The following FSTL5 variants were observed in gnomAD, a reference collection of about 807,000 sequenced individuals.
FSTL5 encodes the protein follistatin-related protein 5.
FSTL5 carries 62 observed loss-of-function variants against 89.1 expected under a neutral mutation model. The observed-to-expected ratio is 0.70, with a 90% CI of 0.57 to 0.86. The LOEUF (loss-of-function observed/expected upper bound fraction) is 0.86, where lower values mean the gene tolerates loss of function less well. Ranked by LOEUF, FSTL5 falls within the 40% of genes least tolerant of loss-of-function variation. The pLI, the probability that FSTL5 is intolerant of heterozygous loss-of-function variation, is 0.00. For missense variants in FSTL5, 1,057 were observed against 1,001.6 expected, an observed-to-expected ratio of 1.06 and a Z score of -0.75; for synonymous variants, 383 against 346.2, an observed-to-expected ratio of 1.11 and a Z score of -1.18.
At chr4:161,664,889 GA>G in intron 6 of FSTL5, 1 of 190,994 alleles carries the variant, frequency 5.2e-6, no homozygotes, top group Non-Finnish European at 1.0e-5. Flanking sequence ...CAGCGCAAGA[GA>G]AAATGAGGAA....
At chr4:162,149,733 G>GTA (rs1488513531) in intron 1 of FSTL5, among the ~76,000 whole-genome samples, 5 of 151,974 alleles carry the variant, frequency 3.3e-5, no homozygotes, top group Non-Finnish European at 7.4e-5. Context: ...ATGTATATAT[G>GTA]TATATATATA....
chr4:161,739,684 CAA>C (rs1739936439), intron 6 of FSTL5, among the ~76,000 whole-genome samples: 1 of 151,950 alleles, frequency 6.6e-6, no homozygotes, highest in Non-Finnish European at 1.5e-5. Flanking sequence ...AACCCAAAGG[CAA>C]AGGTAAACAC....
At chr4:161,728,834 A>G (rs1739508205) in intron 6 of FSTL5, among the ~76,000 whole-genome samples, 1 of 152,154 alleles carries the variant, frequency 6.6e-6, no homozygotes, top group Non-Finnish European at 1.5e-5. Flanking sequence ...AAATTTTCAA[A>G]TTAATAGGTA....
chr4:162,089,202 G>A (rs1008804369), intron 2 of FSTL5, among the ~76,000 whole-genome samples: 2 of 152,166 alleles, frequency 1.3e-5, no homozygotes, highest in South Asian at 2.1e-4. Flanking sequence ...TGTACTTCCC[G>A]TATCTAGAAA....
At chr4:161,470,722 T>C (rs1047809820) in intron 13 of FSTL5, among the ~76,000 whole-genome samples, 1 of 152,210 alleles carries the variant, frequency 6.6e-6, no homozygotes, top group East Asian at 1.9e-4. Context: ...TTTCAATTCA[T>C]GAACATAGGT....
At chr4:162,137,756 G>A (rs1382957699) in intron 1 of FSTL5, among the ~76,000 whole-genome samples, 2 of 152,092 alleles carry the variant, frequency 1.3e-5, no homozygotes, top group East Asian at 1.9e-4. Context: ...GACAAAAAAC[G>A]CTTTTGTTTT....
chr4:161,607,899 T>C (rs1427389458), intron 7 of FSTL5, among the ~76,000 whole-genome samples: 2 of 151,592 alleles, frequency 1.3e-5, no homozygotes, highest in Admixed American at 6.6e-5. Context: ...CATGTGCATG[T>C]TTTTTCCATC....
At chr4:161,594,205 A>G (rs1411775227) in intron 7 of FSTL5, among the ~76,000 whole-genome samples, 2 of 152,156 alleles carry the variant, frequency 1.3e-5, no homozygotes, top group African/African-American at 4.8e-5. Flanking sequence ...TATCATGGAG[A>G]CCAGATCACA....
chr4:162,031,050 G>A (rs1737501135), intron 3 of FSTL5, among the ~76,000 whole-genome samples: 1 of 152,054 alleles, frequency 6.6e-6, no homozygotes, highest in African/African-American at 2.4e-5. Flanking sequence ...ACTAAATATG[G>A]CTACCTGGTA....
chr4:161,861,367 A>G (rs866279452), intron 4 of FSTL5, among the ~76,000 whole-genome samples: 3 of 152,200 alleles, frequency 2.0e-5, no homozygotes, highest in Middle Eastern at 3.4e-3. Flanking sequence ...GGTGGCAGTG[A>G]GCTGAAATAG....
intron 4 of FSTL5, among the ~76,000 whole-genome samples, chr4:161,912,784 G>A (rs1332416375): frequency 5.9e-5 from 9 of 152,138 alleles, no homozygotes; most frequent in Admixed American, 5.9e-4. Context: ...GACAGGAAAA[G>A]GTGGGAAAGT....
intron 2 of FSTL5, among the ~76,000 whole-genome samples, chr4:162,067,770 G>T (rs1308268094): frequency 6.6e-6 from 1 of 152,094 alleles, no homozygotes; most frequent in Non-Finnish European, 1.5e-5. Flanking sequence ...GCCTCTGTTT[G>T]CAGATGACAT....
chr4:161,837,827 T>C (rs1389572669), intron 4 of FSTL5, among the ~76,000 whole-genome samples: 1 of 152,176 alleles, frequency 6.6e-6, no homozygotes, highest in Non-Finnish European at 1.5e-5. Flanking sequence ...ATGCATTTAA[T>C]ACCCTTTACT....
chr4:161,763,885 C>T (rs894288395), intron 5 of FSTL5, among the ~76,000 whole-genome samples: 2 of 152,092 alleles, frequency 1.3e-5, no homozygotes, highest in African/African-American at 4.8e-5. Context: ...TATGCTTCTC[C>T]CATACAGTCA....
At chr4:161,606,012 A>T (rs1263979950) in intron 7 of FSTL5, among the ~76,000 whole-genome samples, 1 of 152,142 alleles carries the variant, frequency 6.6e-6, no homozygotes, top group Admixed American at 6.5e-5. Flanking sequence ...GATGATTGCC[A>T]TCAACATGAA....
At chr4:161,919,596 A>T (rs1733936042) in intron 4 of FSTL5, among the ~76,000 whole-genome samples, 1 of 152,192 alleles carries the variant, frequency 6.6e-6, no homozygotes, top group African/African-American at 2.4e-5. Flanking sequence ...AGAAACTGGG[A>T]CTTGGCACTG....
At chr4:161,602,289 G>T (rs1734277848) in intron 7 of FSTL5, among the ~76,000 whole-genome samples, 3 of 140,096 alleles carry the variant, frequency 2.1e-5, no homozygotes, top group Non-Finnish European at 4.7e-5. Context: ...GAGAGAGAGA[G>T]AGAGGATTAA....
At chr4:161,937,982 T>A (rs151126740) in intron 3 of FSTL5, among the ~76,000 whole-genome samples, 91 of 152,264 alleles carry the variant, frequency 6.0e-4, no homozygotes, top group African/African-American at 2.1e-3. Flanking sequence ...TAACTACCAC[T>A]CATCATATAG....
In FSTL5 at chr4:161,420,982, T is replaced by C. The variant is rs191477130; in HGVS notation, c.1841+34022A>G. On this transcript the variant is annotated intron_variant, in intron 15 of 15. Transcript: ENST00000306100. Reference sequence around the variant, plus strand: ...ATTACATAATTTTCATATTTCATTGTCTATTAATATCTATACATTTCTATT... The same window carrying C: ...ATTACATAATTTTCATATTTCATTGCCTATTAATATCTATACATTTCTATT... Among the ~76,000 whole-genome samples the C allele has an allele frequency of 3.2e-4, 48 of 152,156 alleles. 3 individuals carry two copies. The East Asian group carries it at 9.1e-3, about 29-fold the overall frequency.
Sources: allele counts gnomAD v4.1 joint callset (sites outside exome capture counted in the v4.1 genomes callset), GRCh38; gene constraint gnomAD v4.1.1; transcripts MANE v1.5; gene names NCBI Gene and HGNC (gene_info 2026-07-23, HGNC 2026-07-21).